CIMAP2: variants seen among roughly 807,000 people sequenced by gnomAD.
CIMAP2 encodes ciliary microtubule associated protein 2.
At chr1:54,812,161 C>T in the CIMAP2 span, 1 of 1,614,226 alleles carries the variant, frequency 6.2e-7, no homozygotes, top group Non-Finnish European at 8.5e-7. Context: ...CGGAGCAAGC[C>T]ACTGCCTTAT....
the CIMAP2 span, among the ~76,000 whole-genome samples, chr1:54,835,934 G>C: frequency 6.6e-6 from 1 of 152,052 alleles, no homozygotes; most frequent in Non-Finnish European, 1.5e-5. Flanking sequence ...AGGCATAGTT[G>C]GCCTTCACCA....
chr1:54,839,959 A>G, the CIMAP2 span, among the ~76,000 whole-genome samples: 2 of 152,044 alleles, frequency 1.3e-5, no homozygotes, highest in African/African-American at 4.8e-5. Flanking sequence ...TATTCTGCCC[A>G]GGCTGATCTT....
the CIMAP2 span, among the ~76,000 whole-genome samples, chr1:54,830,751 C>T: frequency 1.2e-4 from 19 of 152,160 alleles, no homozygotes; most frequent in African/African-American, 3.1e-4. This position sits in a 1 kb window ranked among gnomAD's most constrained non-coding sequence, Gnocchi z 4.1. Context: ...CCACTTCCAG[C>T]GGTACCTAGT....
chr1:54,824,039 T>C, the CIMAP2 span, among the ~76,000 whole-genome samples: 1 of 152,200 alleles, frequency 6.6e-6, no homozygotes, highest in South Asian at 2.1e-4. Flanking sequence ...CTTTTTTTTT[T>C]AAGACAAGTT....
At chr1:54,818,508 C>T in the CIMAP2 span, among the ~76,000 whole-genome samples, 1 of 151,768 alleles carries the variant, frequency 6.6e-6, no homozygotes. Context: ...TTTTAGTTTC[C>T]AAGAGTTCTT....
At chr1:54,819,134 TG>T in the CIMAP2 span, among the ~76,000 whole-genome samples, 2 of 152,174 alleles carry the variant, frequency 1.3e-5, no homozygotes, top group Non-Finnish European at 1.5e-5. Flanking sequence ...GTGTTTTCTG[TG>T]GGACTATTCA....
chr1:54,831,426 G>A, the CIMAP2 span, among the ~76,000 whole-genome samples: 245 of 152,162 alleles, frequency 1.6e-3, no homozygotes, highest in African/African-American at 5.7e-3. Flanking sequence ...GCTGAGGCAG[G>A]TGGATCACCT....
At chr1:54,818,356 G>C in the CIMAP2 span, among the ~76,000 whole-genome samples, 12 of 151,436 alleles carry the variant, frequency 7.9e-5, no homozygotes, top group Non-Finnish European at 1.5e-4. Context: ...TAGATGCCCT[G>C]GTTTGGCACT....
At chr1:54,808,442 C>T in the CIMAP2 span, among the ~76,000 whole-genome samples, 1 of 152,044 alleles carries the variant, frequency 6.6e-6, no homozygotes, top group Non-Finnish European at 1.5e-5. Flanking sequence ...AGGCTAAGGC[C>T]TTGAGGTGGG....
At chr1:54,811,765 G>GCGGGGGGGGGGGCCCCCCCCCCC in the CIMAP2 span, 4 of 1,301,324 alleles carry the variant, frequency 3.1e-6, no homozygotes, top group East Asian at 2.5e-5. Context: ...GGTTCTGACA[G>GCGGGGGGGGGGGCCCCCCCCCCC]CCTCCATGCC....
the CIMAP2 span, chr1:54,808,125 G>C: frequency 4.9e-6 from 6 of 1,214,916 alleles, no homozygotes; most frequent in Middle Eastern, 2.5e-4. Context: ...TAAGGATTAA[G>C]CACCTCCTAA....
the CIMAP2 span, among the ~76,000 whole-genome samples, chr1:54,837,696 T>C: frequency 6.6e-6 from 1 of 152,130 alleles, no homozygotes. Context: ...CATGTGTTCA[T>C]TGCCCCCAAG....
At chr1:54,835,752 G>C in the CIMAP2 span, among the ~76,000 whole-genome samples, 2 of 152,078 alleles carry the variant, frequency 1.3e-5, no homozygotes, top group African/African-American at 4.8e-5. Flanking sequence ...GCTTCATGGG[G>C]AGGGCACTCA....
the CIMAP2 span, among the ~76,000 whole-genome samples, chr1:54,822,080 A>G: frequency 1.5e-5 from 2 of 136,430 alleles, no homozygotes; most frequent in Non-Finnish European, 3.2e-5. Flanking sequence ...TTGTATTTTT[A>G]GTAGAGACGG....
chr1:54,818,085 T>C, the CIMAP2 span, among the ~76,000 whole-genome samples: 59,176 of 152,168 alleles, frequency 0.39, 12,129 homozygotes, highest in East Asian at 0.56. Context: ...AGAAGTCTTA[T>C]ACCTTTCTGG....
At chr1:54,840,292 T>C in the CIMAP2 span, among the ~76,000 whole-genome samples, 1 of 152,176 alleles carries the variant, frequency 6.6e-6, no homozygotes, top group African/African-American at 2.4e-5. Context: ...GATTCAGCCA[T>C]GCTGTTGTTG....
chr1:54,839,428 A>T, the CIMAP2 span, among the ~76,000 whole-genome samples: 33 of 151,708 alleles, frequency 2.2e-4, no homozygotes, highest in African/African-American at 7.5e-4. Flanking sequence ...CTCAGGCTGG[A>T]GTGCAATGGC....
At chr1:54,838,549 A>T in the CIMAP2 span, among the ~76,000 whole-genome samples, 1 of 151,960 alleles carries the variant, frequency 6.6e-6, no homozygotes, top group African/African-American at 2.4e-5. Context: ...AATTGCTTTT[A>T]TTATATAGGT....
the CIMAP2 span, among the ~76,000 whole-genome samples, chr1:54,840,516 A>G: frequency 6.6e-6 from 1 of 152,180 alleles, no homozygotes; most frequent in Non-Finnish European, 1.5e-5. Flanking sequence ...TAGGATTTCT[A>G]GGTCATTTGG....
Sources: allele counts gnomAD v4.1 joint callset (sites outside exome capture counted in the v4.1 genomes callset), GRCh38; gene constraint gnomAD v4.1.1; non-coding constraint Gnocchi (gnomAD v3.1); transcripts MANE v1.5; gene names NCBI Gene and HGNC (gene_info 2026-07-23, HGNC 2026-07-21).